The following DGKD variants were observed in gnomAD, a reference collection of about 807,000 sequenced individuals.
The protein encoded by DGKD is diacylglycerol kinase delta, also known as DAG kinase delta.
In DGKD, 68 loss-of-function variants were observed where a neutral mutation model predicts 154.4. The observed-to-expected ratio is 0.44, with a 90% CI of 0.36 to 0.54. DGKD has a LOEUF of 0.54. Among genes scored for constraint, DGKD ranks in the 20% least tolerant of loss-of-function variants. The probability of loss-of-function intolerance (pLI) is 0.00; values close to 1 mark genes in which losing one functional copy is unlikely to be tolerated. For synonymous variants in DGKD, 693 were observed against 638.0 expected, an observed-to-expected ratio of 1.09 and a Z score of -1.30; for missense variants, 1,343 against 1,593.6, an observed-to-expected ratio of 0.84 and a Z score of 2.68.
At position 233,438,730 on chromosome 2, in the gene DGKD, A is replaced by AT. The variant is rs375454607; in HGVS notation, c.1085+357dup. ...TGGGTGTATTTTCTTTCATTTTATA[A>AT]TTTTTTATTTATCTGTCTATCTATC... is the stretch of plus-strand genomic sequence containing the variant. On this transcript the variant is annotated intron_variant, in intron 9 of 29. Transcript: ENST00000264057. The surrounding 1 kb of genome is among the most constrained non-coding windows in gnomAD (Gnocchi z 4.1). 0.2 allele frequency among the ~76,000 whole-genome samples: 27,952 copies of AT among 139,392 alleles called. 3,056 individuals are homozygous for AT. The highest frequency in any genetic ancestry group is 0.36 in the African/African-American group (11,129 of 31,276). 91.4% of individuals were successfully genotyped at this position (139,392 alleles called of 152,430 possible).
intron 8 of DGKD, 34 bp downstream of exon 8, chr2:233,437,513 C>G (rs768303020): frequency 1.1e-5 from 18 of 1,581,408 alleles, no homozygotes; most frequent in Non-Finnish European, 1.6e-5. Context: ...TTCTCATGCA[C>G]GCCCACACGC....
At chr2:233,397,525 C>G (rs1240179224) in intron 3 of DGKD, among the ~76,000 whole-genome samples, 4 of 22,904 alleles carry the variant, frequency 1.7e-4, no homozygotes, top group Admixed American at 6.6e-4. Context: ...CCAGAGGGGA[C>G]CAGGGTGGCT....
At chr2:233,460,141 A>T in intron 23 of DGKD, 53 bp from the exon 24 acceptor site, 1 of 1,597,812 alleles carries the variant, frequency 6.3e-7, no homozygotes, top group South Asian at 1.1e-5. Flanking sequence ...TGTCTGTCGC[A>T]GTCAGATGCA....
chr2:233,354,900 G>C lies in DGKD; in HGVS notation c.156+226G>C, dbSNP rs930153108. Reference sequence around the variant, plus strand: ...CGGCGGGCGGCTGTGGGGCCGGGCGGGGGGCGCGCAGGTGGGCGCCCCGGG... The same window carrying C: ...CGGCGGGCGGCTGTGGGGCCGGGCGCGGGGCGCGCAGGTGGGCGCCCCGGG... On this transcript the variant is annotated intron_variant, in intron 1 of 29. Coordinates refer to ENST00000264057, the MANE Select transcript of DGKD (RefSeq NM_152879.3). The surrounding 1 kb of genome is among the most constrained non-coding windows in gnomAD (Gnocchi z 4.8). Among the ~76,000 whole-genome samples, 7 of 145,200 alleles carry C rather than the reference G, an allele frequency of 4.8e-5. No homozygotes were observed. The highest frequency in any genetic ancestry group is 1.7e-4 in the African/African-American group (7 of 40,288).
intron 3 of DGKD, among the ~76,000 whole-genome samples, chr2:233,401,447 T>C (rs147447798): frequency 6.6e-6 from 1 of 152,326 alleles, no homozygotes; most frequent in East Asian, 1.9e-4. Flanking sequence ...TTGAACAAAA[T>C]CACTACTAAT....
intron 3 of DGKD, among the ~76,000 whole-genome samples, chr2:233,423,598 C>T (rs953986953): frequency 3.3e-5 from 5 of 152,072 alleles, no homozygotes; most frequent in Admixed American, 6.6e-5. Context: ...GGAGACATCC[C>T]GGCTCTCAGC....
At position 233,374,366 on chromosome 2, in the gene DGKD, G is replaced by A. The variant is rs576719085; in HGVS notation, c.157-13891G>A. On this transcript the variant is annotated intron_variant, in intron 1 of 29. Coordinates refer to ENST00000264057, the MANE Select transcript of DGKD (RefSeq NM_152879.3). The stretch of plus-strand genomic sequence containing the variant: ...GCGCCTGGCCTTGACACGGGGTCTC[G>A]CCCTGTCACCCAGGCTGGAGTGCAG... Among the ~76,000 whole-genome samples the A allele has an allele frequency of 2.8e-5, 4 of 141,102 alleles. 1 individual carries two copies. The highest frequency in any genetic ancestry group is 4.6e-4 in the South Asian group (2 of 4,308). The allele number at this position is 141,102 out of a possible 152,430, so 92.6% of individuals were successfully genotyped here.
chr2:233,454,345 G>A (rs984140894), intron 18 of DGKD: 13 of 469,192 alleles, frequency 2.8e-5, no homozygotes, highest in South Asian at 4.7e-5. Flanking sequence ...TGAAAACATC[G>A]TCCTGAGGAA....
At chr2:233,370,567 C>T (rs1258155239) in intron 1 of DGKD, among the ~76,000 whole-genome samples, 113 of 114,362 alleles carry the variant, frequency 9.9e-4, no homozygotes, top group African/African-American at 3.8e-3. Context: ...TTCAGAACTT[C>T]TTCTTTTTTT....
intron 3 of DGKD, among the ~76,000 whole-genome samples, chr2:233,404,237 G>C (rs377288174): frequency 6.6e-6 from 1 of 152,136 alleles, no homozygotes; most frequent in Non-Finnish European, 1.5e-5. Context: ...ATTTCATTGT[G>C]TAGATGTGTC....
At chr2:233,429,294 CA>C in intron 3 of DGKD, 1 of 984,944 alleles carries the variant, frequency 1.0e-6, no homozygotes, top group South Asian at 4.7e-5. Flanking sequence ...CCGAGTTATG[CA>C]CAGTAAGGTA....
intron 3 of DGKD, among the ~76,000 whole-genome samples, chr2:233,431,856 A>G (rs1442600967): frequency 1.3e-5 from 2 of 152,236 alleles, no homozygotes; most frequent in African/African-American, 2.4e-5. Flanking sequence ...ACCTCAAACT[A>G]TGAAACTGTG....
chr2:233,406,190 C>A (rs755083618), intron 3 of DGKD, among the ~76,000 whole-genome samples: 1 of 150,424 alleles, frequency 6.6e-6, no homozygotes, highest in Non-Finnish European at 1.5e-5. Flanking sequence ...TTTTCTTAAA[C>A]AGACACCTGT....
chr2:233,390,261 G>T, intron 2 of DGKD, 142 bp from the exon 3 acceptor site: 3 of 513,964 alleles, frequency 5.8e-6, no homozygotes, highest in South Asian at 6.7e-5. Flanking sequence ...TTGGCTTATT[G>T]ATTGGATGCT....
At chr2:233,385,391 G>C (rs184365380) in intron 1 of DGKD, among the ~76,000 whole-genome samples, 8 of 152,078 alleles carry the variant, frequency 5.3e-5, no homozygotes, top group Non-Finnish European at 7.4e-5. Flanking sequence ...TGGTGGGCGC[G>C]TGTTCACTTT....
Position 233,438,318 on chromosome 2 carries a change from T to C in DGKD, c.1024T>C (p.Phe342Leu). 6.2e-7 allele frequency: 1 copy of C among 1,614,172 alleles called. No individual in the cohort carries two copies. Among genetic ancestry groups the C allele is most frequent in the Non-Finnish European group, 8.5e-7 (1 of 1,180,030 alleles). ...CCAGGGTGTGAAGTTCCTCAGAAGA[T>C]TCAAACAGCTACTAAACCCCGCCCA... ...DNQGVKFLRR[F>L]KQLLNPAQVF... The change falls in exon 9 of 30, where the codon TTC (phenylalanine) becomes CTC (leucine). Residue 342 changes from phenylalanine (F) to leucine (L), a missense_variant. Physicochemically the swap from Phe to Leu is conservative, Grantham distance 22. This residue lies in a region of DGKD where 56 missense variants were observed against 111.1 expected (regional missense o/e 0.50). Transcript: ENST00000264057. The surrounding 1 kb of genome is among the most constrained non-coding windows in gnomAD (Gnocchi z 4.1).
At position 233,469,462 on chromosome 2, in the gene DGKD, C is replaced by T. The variant is rs1477187720; in HGVS notation, c.*2C>T. 4.4e-6 allele frequency: 7 copies of T among 1,592,668 alleles called. No homozygotes were observed. Among genetic ancestry groups the T allele is most frequent in the Admixed American group, 3.5e-5 (2 of 57,170 alleles). ...AGCGCCCCCGCCGTCGAGGCCTAGC[C>T]TCTGTCCTCTCAGCCTGTGGCCTCC... On this transcript the variant is annotated 3_prime_UTR_variant, in exon 30 of 30. Transcript: ENST00000264057.
chr2:233,466,766 T>A (rs900300033), intron 27 of DGKD, among the ~76,000 whole-genome samples: 2 of 152,264 alleles, frequency 1.3e-5, no homozygotes, highest in Non-Finnish European at 2.9e-5. Context: ...GTTATTTTAA[T>A]AATTTTTGTT....
At chr2:233,384,720 C>T (rs932599983) in intron 1 of DGKD, among the ~76,000 whole-genome samples, 3 of 152,270 alleles carry the variant, frequency 2.0e-5, no homozygotes, top group East Asian at 1.9e-4. Flanking sequence ...CCCCCTTATG[C>T]GAGTTTCTGG....
Sources: gnomAD v4.1 joint callset for allele counts (sites outside exome capture counted in the v4.1 genomes callset) on GRCh38, gnomAD v4.1.1 for gene constraint, gnomAD v4.1.1 regional missense constraint, Gnocchi (gnomAD v3.1) non-coding constraint, MANE v1.5 for transcripts, NCBI Gene and HGNC (gene_info 2026-07-23, HGNC 2026-07-21) for gene names.